Variants in GALNT17 observed in about 807,000 individuals in gnomAD.
GALNT17 encodes polypeptide N-acetylgalactosaminyltransferase 17, also known as UDP-GalNAc:polypeptide N-acetylgalactosaminyltransferase-like 3.
Under a neutral mutation model 63.7 loss-of-function variants are expected in GALNT17, and 29 were observed. That is an observed-to-expected ratio of 0.46 (90% CI 0.34 to 0.62). The LOEUF (loss-of-function observed/expected upper bound fraction) is 0.62. Among genes scored for constraint, GALNT17 ranks in the 20% least tolerant of loss-of-function variants. The pLI is 0.01. For synonymous variants in GALNT17, 305 were observed against 318.3 expected, an observed-to-expected ratio of 0.96 and a Z score of 0.45; for missense variants, 603 against 799.6, an observed-to-expected ratio of 0.75 and a Z score of 2.97.
intron 1 of GALNT17, among the ~76,000 whole-genome samples, chr7:71,157,144 T>C (rs1375552424): frequency 6.6e-6 from 1 of 151,750 alleles, no homozygotes. Context: ...TTTGAAGTAC[T>C]TTTCTAGTCA....
At chr7:71,328,070 T>C (rs1791734699) in intron 1 of GALNT17, among the ~76,000 whole-genome samples, 1 of 152,088 alleles carries the variant, frequency 6.6e-6, no homozygotes, top group Non-Finnish European at 1.5e-5. Context: ...AGAAAAAGGA[T>C]GGAGAATAGA....
intron 5 of GALNT17, among the ~76,000 whole-genome samples, chr7:71,473,642 C>T (rs938753064): frequency 7.2e-5 from 11 of 152,086 alleles, no homozygotes; most frequent in Non-Finnish European, 1.5e-4. Context: ...CCTTTCTTCT[C>T]TTCATGGCCA....
chr7:71,360,628 T>G (rs1202235869), intron 2 of GALNT17, among the ~76,000 whole-genome samples: 1 of 152,194 alleles, frequency 6.6e-6, no homozygotes, highest in Non-Finnish European at 1.5e-5. Flanking sequence ...CAGATACAGA[T>G]GTTTTTAAAA....
At position 71,610,339 on chromosome 7, in the gene GALNT17, GGGCAT is replaced by G. The variant is rs764462050; in HGVS notation, c.1080+38940_1080+38944del. ...GACTCTATCTCTTTAAAAAATAACT[GGGCAT>G]GGTTGTGCACATCTGTAGTCTCAGG... On this transcript the variant is annotated intron_variant, in intron 6 of 10. Transcript: ENST00000333538. 2.0e-5 allele frequency among the ~76,000 whole-genome samples: 3 copies of G among 151,966 alleles called. No homozygotes were observed. The East Asian group carries it at 5.9e-4, about 30-fold the overall frequency.
At chr7:71,265,118 A>ATATATATATTTTTTT (rs1390488895) in intron 1 of GALNT17, among the ~76,000 whole-genome samples, 2 of 37,458 alleles carry the variant, frequency 5.3e-5, no homozygotes, top group Non-Finnish European at 6.8e-5. Flanking sequence ...ATATATATAT[A>ATATATATATTTTTTT]TTTTTTTTTT....
At chr7:71,475,251 A>G (rs1031664321) in intron 5 of GALNT17, among the ~76,000 whole-genome samples, 8 of 152,220 alleles carry the variant, frequency 5.3e-5, no homozygotes, top group Non-Finnish European at 7.3e-5. Flanking sequence ...ATTCAAGCAC[A>G]TTCCATTGAT....
In GALNT17 at chr7:71,135,662, G is replaced by C. The variant is rs566858335; in HGVS notation, c.238+2622G>C. On this transcript the variant is annotated intron_variant, in intron 1 of 10. Transcript: ENST00000333538. ...GGTCTCAGGTGAAGCCTGAGAATTT[G>C]CCTCTCTAACAAACTTGGGACAGGG... Among the ~76,000 whole-genome samples, 4 of 152,326 alleles carry C rather than the reference G, an allele frequency of 2.6e-5. No individual in the cohort carries two copies. The East Asian group carries it at 5.8e-4, about 22-fold the overall frequency.
At chr7:71,479,494 G>C (rs1367631836) in intron 5 of GALNT17, among the ~76,000 whole-genome samples, 1 of 152,080 alleles carries the variant, frequency 6.6e-6, no homozygotes, top group African/African-American at 2.4e-5. Context: ...ATTCAGGCAA[G>C]ATAATTTGTG....
rs1025939986 is a variant in GALNT17, at chr7:71,295,767, T to TA, written c.239-39775dup. ...GTGCACACCATCATGCCTGGCCAATTAAAAAAAATTAGAGATGGGGTCTCA... is the reference window on the plus strand; with the variant it reads ...GTGCACACCATCATGCCTGGCCAATTAAAAAAAAATTAGAGATGGGGTCTCA... On this transcript the variant is annotated intron_variant, in intron 1 of 10. Transcript: ENST00000333538. Among the ~76,000 whole-genome samples, 7 of 151,732 alleles carry TA rather than the reference T, an allele frequency of 4.6e-5. No individual in the cohort carries two copies. The South Asian group carries it at 1.2e-3, about 27-fold the overall frequency.
rs986918991 is a variant in GALNT17 at position 71,593,714 on chromosome 7, T to C, written c.1080+22312T>C. Among the ~76,000 whole-genome samples, 15 of 152,322 alleles carry C rather than the reference T, an allele frequency of 9.8e-5. No individual in the cohort carries two copies. In the East Asian group the frequency reaches 2.7e-3, roughly 27 times the overall value. ...ACCCGTTTCACTATTTTCTCATGAA[T>C]TCCCTTCCCTTTTGAAAATCTAAAA... On this transcript the variant is annotated intron_variant, in intron 6 of 10. Transcript: ENST00000333538.
chr7:71,418,687 T>C (rs1263781967), intron 4 of GALNT17, among the ~76,000 whole-genome samples: 1 of 152,160 alleles, frequency 6.6e-6, no homozygotes, highest in Non-Finnish European at 1.5e-5. Context: ...AGTGTGCTTC[T>C]CTAAGGAAGC....
intron 1 of GALNT17, among the ~76,000 whole-genome samples, chr7:71,254,656 G>A (rs1790257767): frequency 6.6e-6 from 1 of 152,042 alleles, no homozygotes; most frequent in South Asian, 2.1e-4. Context: ...TAGTTTTTCA[G>A]GTTTCTTTGG....
chr7:71,556,084 C>T (rs115407566), intron 5 of GALNT17, among the ~76,000 whole-genome samples: 3,749 of 152,286 alleles, frequency 0.025, 165 homozygotes, highest in African/African-American at 0.085. Context: ...TCATAAGTTT[C>T]AAAATAAATT....
At chr7:71,553,716 C>T (rs992090970) in intron 5 of GALNT17, among the ~76,000 whole-genome samples, 6 of 152,188 alleles carry the variant, frequency 3.9e-5, no homozygotes, top group Admixed American at 6.5e-5. Context: ...CTCCAGCCCT[C>T]GTGTTCACTG....
At chr7:71,242,268 TTTTC>T in intron 1 of GALNT17, among the ~76,000 whole-genome samples, 1 of 137,412 alleles carries the variant, frequency 7.3e-6, no homozygotes, top group African/African-American at 2.6e-5. Context: ...TTCTTTTTCT[TTTTC>T]TTTTTTTTTT....
chr7:71,542,863 G>A (rs551578603), intron 5 of GALNT17, among the ~76,000 whole-genome samples: 50 of 152,118 alleles, frequency 3.3e-4, no homozygotes, highest in African/African-American at 1.1e-3. Flanking sequence ...TTCAGCCGAG[G>A]TTAATCAATC....
intron 1 of GALNT17, among the ~76,000 whole-genome samples, chr7:71,273,293 C>T (rs1265570042): frequency 1.3e-5 from 2 of 152,224 alleles, no homozygotes; most frequent in East Asian, 1.9e-4. Flanking sequence ...CAAACGCTGT[C>T]AACTCTTGCA....
intron 6 of GALNT17, among the ~76,000 whole-genome samples, chr7:71,598,897 T>C (rs1789926910): frequency 6.6e-6 from 1 of 151,848 alleles, no homozygotes; most frequent in Admixed American, 6.6e-5. Context: ...GGGGGTGGTG[T>C]CGGTGGTCTT....
intron 6 of GALNT17, among the ~76,000 whole-genome samples, chr7:71,590,563 G>A (rs1042948514): frequency 2.6e-5 from 4 of 152,198 alleles, no homozygotes; most frequent in Non-Finnish European, 5.9e-5. Context: ...GGTTTCTGGG[G>A]CAAGGCCCTA....
Sources: gnomAD v4.1 joint callset for allele counts (sites outside exome capture counted in the v4.1 genomes callset) on GRCh38, gnomAD v4.1.1 for gene constraint, MANE v1.5 for transcripts, NCBI Gene and HGNC (gene_info 2026-07-23, HGNC 2026-07-21) for gene names.